Variants in UBR2 observed in about 807,000 individuals in gnomAD.
UBR2 encodes the protein E3 ubiquitin-protein ligase UBR2.
Under a neutral mutation model 247.9 loss-of-function variants are expected in UBR2, and 92 were observed. The observed-to-expected ratio is 0.37, with a 90% CI of 0.31 to 0.44. The LOEUF (loss-of-function observed/expected upper bound fraction) is 0.44. Ranked by LOEUF, UBR2 falls within the 20% of genes least tolerant of loss-of-function variation. The pLI is 1.00. For missense variants in UBR2, 1,613 were observed against 2,112.6 expected (o/e 0.76, Z 4.64); for synonymous variants, 672 against 693.5 (o/e 0.97, Z 0.49).
At chr6:42,639,666 A>C (rs1346118726) in intron 15 of UBR2, among the ~76,000 whole-genome samples, 1 of 152,234 alleles carries the variant, frequency 6.6e-6, no homozygotes, top group Admixed American at 6.5e-5. Context: ...TTTTCCGATC[A>C]GTGGCCAGAA....
chr6:42,590,980 G>A (rs961250168), intron 2 of UBR2, among the ~76,000 whole-genome samples: 5 of 152,202 alleles, frequency 3.3e-5, no homozygotes, highest in Admixed American at 1.3e-4. Context: ...GGCCAGGTGC[G>A]GTGGCCCATG....
At chr6:42,586,300 C>G (rs1292128683) in intron 2 of UBR2, among the ~76,000 whole-genome samples, 1 of 151,962 alleles carries the variant, frequency 6.6e-6, no homozygotes, top group Non-Finnish European at 1.5e-5. Flanking sequence ...TGGGAGGTTG[C>G]AGCGAGTTGA....
intron 2 of UBR2, among the ~76,000 whole-genome samples, chr6:42,579,557 C>T (rs570904464): frequency 6.6e-6 from 1 of 152,322 alleles, no homozygotes. Context: ...GAGTCCCATT[C>T]TGTCGCTTAG....
At chr6:42,585,019 C>T (rs1333598335) in intron 2 of UBR2, among the ~76,000 whole-genome samples, 1 of 151,892 alleles carries the variant, frequency 6.6e-6, no homozygotes, top group Non-Finnish European at 1.5e-5. Context: ...ATATTCTTTC[C>T]TTGTTCCCAA....
chr6:42,597,612 A>AG (rs1793063561), intron 4 of UBR2, among the ~76,000 whole-genome samples: 1 of 150,988 alleles, frequency 6.6e-6, no homozygotes. Context: ...AAAAAAAAAA[A>AG]GTTTAAGAGA....
chr6:42,678,976 G>A (rs1252910236), intron 41 of UBR2, among the ~76,000 whole-genome samples: 1 of 152,190 alleles, frequency 6.6e-6, no homozygotes, highest in Non-Finnish European at 1.5e-5. Flanking sequence ...CATAAACAAG[G>A]TTCCTCAGAT....
intron 32 of UBR2, chr6:42,664,212 T>G (rs942710670): frequency 1.3e-5 from 2 of 152,148 alleles, no homozygotes; most frequent in Admixed American, 1.3e-4. Flanking sequence ...AAAGAGAAGA[T>G]AAGCATGGCT....
chr6:42,692,993 G>A lies in UBR2; in HGVS notation c.*1820G>A, dbSNP rs1479923544. On this transcript the variant is annotated 3_prime_UTR_variant, in exon 47 of 47. Coordinates refer to ENST00000372901, the MANE Select transcript of UBR2 (RefSeq NM_001363705.2). The stretch of plus-strand genomic sequence containing the variant: ...TTTATTTTGGCCTCTGTCACATCCA[G>A]TTTCTTTAGCTTTTAAGGTAAGCTT... The A allele has an allele frequency of 2.6e-5, 4 of 152,070 alleles. No homozygotes were observed. The highest frequency in any genetic ancestry group is 2.0e-4 in the Admixed American group (3 of 15,260). 9.4% of individuals were successfully genotyped at this position (152,070 alleles called of 1,614,324 possible). A position where few individuals can be genotyped will look rare whatever the true frequency, so the allele number is the denominator to read the frequency against.
chr6:42,617,809 G>A (rs1243225191), intron 11 of UBR2, among the ~76,000 whole-genome samples: 3 of 152,090 alleles, frequency 2.0e-5, no homozygotes, highest in Admixed American at 2.0e-4. Context: ...ACATTAAGCC[G>A]ATTGATTTCA....
intron 2 of UBR2, among the ~76,000 whole-genome samples, chr6:42,590,555 A>G (rs1211348499): frequency 6.6e-6 from 1 of 152,224 alleles, no homozygotes; most frequent in African/African-American, 2.4e-5. Flanking sequence ...TACAAAAGAA[A>G]ATTAAAGTAG....
chr6:42,576,476 C>T (rs1242246659), intron 2 of UBR2, among the ~76,000 whole-genome samples: 7 of 151,500 alleles, frequency 4.6e-5, no homozygotes, highest in Admixed American at 6.6e-5. Flanking sequence ...CCCCTTTACC[C>T]CATTTGGATT....
chr6:42,615,721 T>C (rs1458919062), intron 9 of UBR2, among the ~76,000 whole-genome samples: 1 of 151,474 alleles, frequency 6.6e-6, no homozygotes, highest in Non-Finnish European at 1.5e-5. Context: ...GCTAGGAGTT[T>C]GAGTTCAGCC....
chr6:42,611,955 T>A (rs1794119878), intron 7 of UBR2, among the ~76,000 whole-genome samples: 1 of 151,302 alleles, frequency 6.6e-6, no homozygotes, highest in African/African-American at 2.4e-5. Flanking sequence ...ATAAACTAGC[T>A]GAACCTTCGT....
At chr6:42,656,495 C>G (rs1031100032) in intron 26 of UBR2, among the ~76,000 whole-genome samples, 1 of 152,156 alleles carries the variant, frequency 6.6e-6, no homozygotes, top group Admixed American at 6.6e-5. Context: ...CAAAAGATGC[C>G]CAAGCTCATC....
At chr6:42,595,405 T>C (rs1410897269) in intron 4 of UBR2, among the ~76,000 whole-genome samples, 2 of 152,184 alleles carry the variant, frequency 1.3e-5, no homozygotes, top group Non-Finnish European at 2.9e-5. Flanking sequence ...CAAGTACGTC[T>C]ACATTGTTAG....
chr6:42,599,532 G>A (rs193132121), intron 4 of UBR2, among the ~76,000 whole-genome samples: 1 of 152,162 alleles, frequency 6.6e-6, no homozygotes, highest in Admixed American at 6.5e-5. Flanking sequence ...CAGTAATGAT[G>A]CTCTTAACAC....
chr6:42,585,964 G>A (rs1185692783), intron 2 of UBR2, among the ~76,000 whole-genome samples: 2 of 152,074 alleles, frequency 1.3e-5, no homozygotes, highest in African/African-American at 4.8e-5. Context: ...ATTTAGAAGT[G>A]CATTGCTAAA....
intron 2 of UBR2, among the ~76,000 whole-genome samples, chr6:42,576,872 A>G (rs73436677): frequency 0.022 from 3,340 of 152,136 alleles, 112 homozygotes; most frequent in African/African-American, 0.075. Context: ...TCTAGGATGT[A>G]TAGTTTTTCT....
At chr6:42,646,462 C>T (rs1203678076) in intron 21 of UBR2, among the ~76,000 whole-genome samples, 3 of 152,178 alleles carry the variant, frequency 2.0e-5, no homozygotes, top group Non-Finnish European at 4.4e-5. Flanking sequence ...CTCTGTGCCC[C>T]ACTGTATTAT....
Sources: gnomAD v4.1 joint callset for allele counts (sites outside exome capture counted in the v4.1 genomes callset) on GRCh38, gnomAD v4.1.1 for gene constraint, MANE v1.5 for transcripts, NCBI Gene and HGNC (gene_info 2026-07-23, HGNC 2026-07-21) for gene names.